Variants in DYNC1I2 observed in about 807,000 individuals in gnomAD.
The protein encoded by DYNC1I2 is cytoplasmic dynein 1 intermediate chain 2.
In DYNC1I2, 53 loss-of-function variants were observed where a neutral mutation model predicts 88.6. That is an observed-to-expected ratio of 0.60 (90% CI 0.48 to 0.75). The LOEUF (loss-of-function observed/expected upper bound fraction) is 0.75. DYNC1I2 is among the 30% of genes least tolerant of loss of function. The pLI, the probability that DYNC1I2 is intolerant of heterozygous loss-of-function variation, is 0.00. For synonymous variants in DYNC1I2, 198 were observed against 254.6 expected, an observed-to-expected ratio of 0.78 and a Z score of 2.12; for missense variants, 458 against 766.6, an observed-to-expected ratio of 0.60 and a Z score of 4.75.
At chr2:171,706,199 T>A (rs988914250) in intron 3 of DYNC1I2, among the ~76,000 whole-genome samples, 5 of 152,152 alleles carry the variant, frequency 3.3e-5, no homozygotes, top group African/African-American at 1.2e-4. Flanking sequence ...TTCAGTAGAC[T>A]GTTAAAAGAA....
intron 3 of DYNC1I2, among the ~76,000 whole-genome samples, chr2:171,702,450 G>C (rs1469509717): frequency 6.6e-6 from 1 of 152,146 alleles, no homozygotes; most frequent in East Asian, 1.9e-4. Context: ...ACAGGATACG[G>C]ATGAAGGCCA....
At chr2:171,701,971 A>T (rs1031032174) in intron 3 of DYNC1I2, among the ~76,000 whole-genome samples, 1 of 152,212 alleles carries the variant, frequency 6.6e-6, no homozygotes, top group Non-Finnish European at 1.5e-5. Flanking sequence ...GTCAAGATAG[A>T]ACATTGTAGG....
rs1297794346 is a variant in DYNC1I2, at chr2:171,748,970, A to G, written c.*1081A>G. Among the ~76,000 whole-genome samples the G allele has an allele frequency of 1.3e-5, 2 of 152,210 alleles. No homozygotes were observed. Among genetic ancestry groups the G allele is most frequent in the Non-Finnish European group, 2.9e-5 (2 of 68,012 alleles). ...AGGACTATGATCAGATCTTGATTTT[A>G]TCTACTTTAAATTGTCTATTTATTT... On this transcript the variant is annotated 3_prime_UTR_variant, in exon 18 of 18. Transcript: ENST00000397119.
intron 3 of DYNC1I2, among the ~76,000 whole-genome samples, chr2:171,695,531 A>G (rs1388171811): frequency 2.0e-5 from 3 of 152,134 alleles, no homozygotes; most frequent in South Asian, 4.1e-4. Context: ...CCATGTTGCT[A>G]TATACGTATT....
chr2:171,715,326 A>C lies in DYNC1I2; in HGVS notation c.396-2A>C. The C allele has an allele frequency of 6.5e-7, 1 of 1,541,734 alleles. No homozygotes were observed. Among genetic ancestry groups the C allele is most frequent in the Non-Finnish European group, 8.8e-7 (1 of 1,136,786 alleles). Reference sequence around the variant, plus strand: ...TGTGTTGTTTGTATTTACTTAATTTAGACGAGGACCTATTAAACTTGGAAT... The same window carrying C: ...TGTGTTGTTTGTATTTACTTAATTTCGACGAGGACCTATTAAACTTGGAAT... On this transcript the variant is annotated splice_acceptor_variant, in intron 6 of 17. Coordinates refer to ENST00000397119, the MANE Select transcript of DYNC1I2 (RefSeq NM_001378.3). LOFTEE classifies it high-confidence loss of function.
At chr2:171,732,978 C>A (rs1307997705) in intron 15 of DYNC1I2, among the ~76,000 whole-genome samples, 1 of 152,084 alleles carries the variant, frequency 6.6e-6, no homozygotes. Flanking sequence ...TTTTCCTGAG[C>A]CTCTCCCTCC....
intron 2 of DYNC1I2, among the ~76,000 whole-genome samples, chr2:171,690,954 T>G (rs1446807680): frequency 1.2e-4 from 18 of 152,120 alleles, no homozygotes. Flanking sequence ...CCACACTCAG[T>G]CAAGATGTCT....
intron 5 of DYNC1I2, among the ~76,000 whole-genome samples, chr2:171,711,163 C>T (rs1374621627): frequency 6.6e-6 from 1 of 151,942 alleles, no homozygotes; most frequent in Non-Finnish European, 1.5e-5. Context: ...ATGATGGTTT[C>T]CAGCTACTTT....
chr2:171,730,098 G>A (rs999436047), intron 15 of DYNC1I2, among the ~76,000 whole-genome samples: 1 of 152,046 alleles, frequency 6.6e-6, no homozygotes, highest in African/African-American at 2.4e-5. Flanking sequence ...CAGTCTTTTC[G>A]AGCATGTAAC....
chr2:171,715,310 T>C lies in DYNC1I2; in HGVS notation c.396-18T>C, dbSNP rs762317173. On this transcript the variant is annotated intron_variant, in intron 6 of 17. Transcript: ENST00000397119. ...TTGATGTAGTTAAAATTGTGTTGTTTGTATTTACTTAATTTAGACGAGGAC... is the reference window on the plus strand; with the variant it reads ...TTGATGTAGTTAAAATTGTGTTGTTCGTATTTACTTAATTTAGACGAGGAC... 2.0e-5 allele frequency: 29 copies of C among 1,474,368 alleles called. 1 individual carries two copies. In the South Asian group the frequency reaches 3.5e-4, roughly 18 times the overall value. The allele number at this position is 1,474,368 out of a possible 1,614,324, so 91.3% of individuals were successfully genotyped here.
Position 171,732,024 on chromosome 2 carries a change from C to G in DYNC1I2, c.1536+2171C>G, listed in dbSNP as rs79940368. Among the ~76,000 whole-genome samples, 106 of 152,296 alleles carry G rather than the reference C, an allele frequency of 7.0e-4. 1 individual carries two copies. In the East Asian group the frequency reaches 0.015, roughly 22 times the overall value. On this transcript the variant is annotated intron_variant, in intron 15 of 17. Coordinates refer to ENST00000397119, the MANE Select transcript of DYNC1I2 (RefSeq NM_001378.3). Reference sequence around the variant, plus strand: ...TTTATTCCTTGATTTAACCCACCACCTCTTCACCAAAAATTGGGTTAATAA... The same window carrying G: ...TTTATTCCTTGATTTAACCCACCACGTCTTCACCAAAAATTGGGTTAATAA...
At chr2:171,738,673 TGAA>T (rs879467497) in intron 15 of DYNC1I2, among the ~76,000 whole-genome samples, 30 of 152,202 alleles carry the variant, frequency 2.0e-4, no homozygotes, top group Non-Finnish European at 3.4e-4. Context: ...AAGCTGTTTT[TGAA>T]GAAGTACACT....
rs373380378 is a variant in DYNC1I2, at chr2:171,747,848, G to C, written c.1876G>C (p.Ala626Pro). 6.2e-7 allele frequency: 1 copy of C among 1,611,206 alleles called. No homozygotes were observed. Among genetic ancestry groups the C allele is most frequent in the African/African-American group, 1.3e-5 (1 of 74,870 alleles). The change falls in exon 18 of 18, where the codon GCT becomes CCT. Residue 626 changes from alanine to proline, a missense_variant. Ala to Pro is a conservative substitution (Grantham distance 27). This residue lies in a region of DYNC1I2 where 188 missense variants were observed against 300.4 expected (regional missense o/e 0.63). Coordinates refer to ENST00000397119, the MANE Select transcript of DYNC1I2 (RefSeq NM_001378.3). ...ACTTGCAGAAATTAATGCAAACCGA[G>C]CTGATGCAGAGGAGGAAGCAGCTAC... is the stretch of plus-strand genomic sequence containing the variant. ...RTLAEINANR[A>P]DAEEEAATRI...
rs1689923344 is a variant in DYNC1I2 at position 171,748,105 on chromosome 2, A to C, written c.*216A>C. 1 of 454,672 alleles carries C rather than the reference A, an allele frequency of 2.2e-6. No individual in the cohort carries two copies. The highest frequency in any genetic ancestry group is 5.1e-5 in the South Asian group (1 of 19,634). The allele number at this position is 454,672 out of a possible 1,614,324, so 28.2% of individuals were successfully genotyped here. On this transcript the variant is annotated 3_prime_UTR_variant, in exon 18 of 18. Transcript: ENST00000397119. ...TTTTTTAATATAGCTGATTGACTTC[A>C]CAGAAAGCAGCTTTTTTGAATTCTA...
chr2:171,709,178 A>G (rs1686919335), intron 5 of DYNC1I2, among the ~76,000 whole-genome samples: 1 of 152,148 alleles, frequency 6.6e-6, no homozygotes, highest in Non-Finnish European at 1.5e-5. Context: ...ATTATGACTC[A>G]TCGTTCCTGA....
chr2:171,712,687 A>G, intron 5 of DYNC1I2, 80 bp from the exon 6 acceptor site: 1 of 958,404 alleles, frequency 1.0e-6, no homozygotes, highest in Non-Finnish European at 1.6e-6. Flanking sequence ...CTTTAGCTTT[A>G]GCTATTCATA....
chr2:171,723,722 A>C (rs1257332133), intron 7 of DYNC1I2, among the ~76,000 whole-genome samples: 1 of 152,180 alleles, frequency 6.6e-6, no homozygotes, highest in East Asian at 1.9e-4. Context: ...TTTGTAAGGA[A>C]GTGTCAATGT....
At chr2:171,740,938 C>T (rs1243628880) in intron 15 of DYNC1I2, among the ~76,000 whole-genome samples, 2 of 152,084 alleles carry the variant, frequency 1.3e-5, no homozygotes, top group South Asian at 2.1e-4. Context: ...AAATTATGCC[C>T]ATTAGCAGTC....
chr2:171,721,351 G>A (rs10185633), intron 7 of DYNC1I2, among the ~76,000 whole-genome samples: 123,806 of 151,988 alleles, frequency 0.81, 51,585 homozygotes, highest in Non-Finnish European at 0.91. Flanking sequence ...AAAAAAGAAA[G>A]GGAATGGATT....
Sources: gnomAD v4.1 joint callset for allele counts (sites outside exome capture counted in the v4.1 genomes callset) on GRCh38, gnomAD v4.1.1 for gene constraint, gnomAD v4.1.1 regional missense constraint, MANE v1.5 for transcripts, NCBI Gene and HGNC (gene_info 2026-07-23, HGNC 2026-07-21) for gene names.